The following GABRR1 variants were observed in gnomAD, a reference collection of about 807,000 sequenced individuals.
GABRR1 encodes gamma-aminobutyric acid type A receptor subunit rho1.
GABRR1 carries 59 observed loss-of-function variants against 55.5 expected under a neutral mutation model. The ratio of observed to expected loss-of-function variants is 1.06; its 90% confidence interval spans 0.86 to 1.32. GABRR1 has a LOEUF of 1.32. Ranked by LOEUF, GABRR1 falls within the 40% of genes most tolerant of loss-of-function variation. The pLI, the probability that GABRR1 is intolerant of heterozygous loss-of-function variation, is 0.00. For missense variants in GABRR1, 602 were observed against 619.1 expected, an observed-to-expected ratio of 0.97 and a Z score of 0.29; for synonymous variants, 213 against 226.0, an observed-to-expected ratio of 0.94 and a Z score of 0.51.
At chr6:89,192,297 C>T (rs958275786) in intron 5 of GABRR1, among the ~76,000 whole-genome samples, 3 of 151,822 alleles carry the variant, frequency 2.0e-5, no homozygotes, top group Non-Finnish European at 4.4e-5. Flanking sequence ...ACCCACCGTC[C>T]TCTCCACATA....
upstream of GABRR1, among the ~76,000 whole-genome samples, chr6:89,218,707 C>T (rs142023286): frequency 2.7e-3 from 412 of 152,280 alleles, 2 homozygotes; most frequent in African/African-American, 9.2e-3. Context: ...GTTCATTTAA[C>T]GAGGTGTGAC....
At chr6:89,204,085 G>A (rs1157143010) in intron 1 of GABRR1, among the ~76,000 whole-genome samples, 2 of 152,124 alleles carry the variant, frequency 1.3e-5, no homozygotes, top group Non-Finnish European at 2.9e-5. Flanking sequence ...CCTTCTAGTC[G>A]AGGGGTAGTC....
At chr6:89,205,049 GC>G (rs1411581877) in intron 1 of GABRR1, among the ~76,000 whole-genome samples, 1 of 152,162 alleles carries the variant, frequency 6.6e-6, no homozygotes, top group East Asian at 1.9e-4. Flanking sequence ...CACTGCTTGA[GC>G]ACTTCCTATG....
rs577439930 is a variant in GABRR1, at chr6:89,192,564, C to CTT, written c.573-2319_573-2318dup. On this transcript the variant is annotated intron_variant, in intron 5 of 9. Transcript: ENST00000454853. ...TCTTCTTCCTCTTCTTCTTCTTCTT[C>CTT]TTTTTTTTTTTTTTTTTTGAGACAG... Among the ~76,000 whole-genome samples, 88 of 130,356 alleles carry CTT rather than the reference C, an allele frequency of 6.8e-4. 1 individual carries two copies. The highest frequency in any genetic ancestry group is 1.7e-3 in the African/African-American group (57 of 33,750). The allele number at this position is 130,356 out of a possible 152,430, so 85.5% of individuals were successfully genotyped here. A position where few individuals can be genotyped will look rare whatever the true frequency, so the allele number is the denominator to read the frequency against.
At chr6:89,203,933 G>A (rs1195724649) in intron 1 of GABRR1, among the ~76,000 whole-genome samples, 1 of 152,214 alleles carries the variant, frequency 6.6e-6, no homozygotes, top group Non-Finnish European at 1.5e-5. Context: ...GATGAGAGAG[G>A]AGGAGGAGGA....
At chr6:89,219,092 C>T (rs550489150), upstream of GABRR1, among the ~76,000 whole-genome samples, 2 of 152,084 alleles carry the variant, frequency 1.3e-5, no homozygotes, top group Non-Finnish European at 2.9e-5. Flanking sequence ...ATGGTGAAAC[C>T]CTGTCCCTAC....
intron 1 of GABRR1, among the ~76,000 whole-genome samples, chr6:89,213,085 C>G (rs1457224405): frequency 6.6e-6 from 1 of 152,114 alleles, no homozygotes; most frequent in Non-Finnish European, 1.5e-5. Context: ...CATGGAGATT[C>G]TGGGAAAACA....
At chr6:89,195,463 CAA>C (rs1182864521) in intron 5 of GABRR1, among the ~76,000 whole-genome samples, 6 of 125,678 alleles carry the variant, frequency 4.8e-5, no homozygotes, top group Admixed American at 1.6e-4. Flanking sequence ...ACTCCGTCTC[CAA>C]AAAAAAAAAA....
Position 89,230,218 on chromosome 6 carries a change from G to A in GABRR1, c.-411+998C>T, listed in dbSNP as rs1269599025. Among the ~76,000 whole-genome samples, 9 of 129,946 alleles carry A rather than the reference G, an allele frequency of 6.9e-5. No homozygotes were observed. In the South Asian group the frequency reaches 1.1e-3, roughly 16 times the overall value. 85.2% of individuals were successfully genotyped at this position (129,946 alleles called of 152,430 possible). A position where few individuals can be genotyped will look rare whatever the true frequency, so the allele number is the denominator to read the frequency against. On this transcript the variant is annotated intron_variant, in intron 1 of 11. Coordinates refer to the GABRR1 transcript ENST00000369451. ...TTGCCTTTGGTTTGAATGTCCTCCC[G>A]TAGCTCAGAGTAATTTGATCATCTG...
chr6:89,230,462 T>C (rs1407158810), intron 1 of GABRR1, among the ~76,000 whole-genome samples: 1 of 150,550 alleles, frequency 6.6e-6, no homozygotes, highest in African/African-American at 2.4e-5. Context: ...CCTTTCTGTT[T>C]GTTAGTTTTC....
In GABRR1 at chr6:89,212,089, C is replaced by T. The variant is rs139421119; in HGVS notation, c.122+5112G>A. 218 of 560,394 alleles carry T rather than the reference C, an allele frequency of 3.9e-4. 68 individuals are homozygous for T. In the East Asian group the frequency reaches 9.7e-3, roughly 25 times the overall value. 34.7% of individuals were successfully genotyped at this position (560,394 alleles called of 1,614,324 possible). A position where few individuals can be genotyped will look rare whatever the true frequency, so the allele number is the denominator to read the frequency against. On this transcript the variant is annotated intron_variant, in intron 1 of 9. Coordinates refer to ENST00000454853, the MANE Select transcript of GABRR1 (RefSeq NM_002042.5). ...GCACATCTAGGTCCATATGTTCATA[C>T]CAAACTCATCACCTTCACCCCCAAA...
Position 89,185,412 on chromosome 6 carries a change from T to C in GABRR1, c.694A>G (p.Lys232Glu). The C allele has an allele frequency of 1.2e-6, 2 of 1,613,716 alleles. No individual in the cohort carries two copies. Among genetic ancestry groups the C allele is most frequent in the Non-Finnish European group, 1.7e-6 (2 of 1,179,714 alleles). The change falls in exon 7 of 10, where the codon AAG becomes GAG. Residue 232 changes from lysine (K) to glutamate (E), a missense_variant. Lys to Glu is a moderately conservative substitution (Grantham distance 56). Transcript: ENST00000454853. ...TCTGTCTTTAAGGAGTCATTGCCCTTTTTCCAGTACAGCATGAGGTCATCT... is the reference window on the plus strand; with the variant it reads ...TCTGTCTTTAAGGAGTCATTGCCCTCTTTCCAGTACAGCATGAGGTCATCT... ...TEDDLMLYWK[K>E]GNDSLKTDER...
intron 1 of GABRR1, among the ~76,000 whole-genome samples, chr6:89,229,576 T>C (rs1311744966): frequency 7.0e-6 from 1 of 143,638 alleles, no homozygotes; most frequent in African/African-American, 2.6e-5. Context: ...TCTTTAAGAA[T>C]GTTGAATATT....
intron 1 of GABRR1, among the ~76,000 whole-genome samples, chr6:89,210,380 A>C (rs567892387): frequency 2.2e-4 from 33 of 151,420 alleles, no homozygotes; most frequent in African/African-American, 7.3e-4. Context: ...TTTTTGTAGA[A>C]ATGGGGTTTC....
chr6:89,217,244 G>T lies in GABRR1; in HGVS notation c.79C>A (p.His27Asn). The T allele has an allele frequency of 1.2e-6, 2 of 1,614,016 alleles. No individual in the cohort carries two copies. The highest frequency in any genetic ancestry group is 1.1e-5 in the South Asian group (1 of 91,078). Reference protein sequence around the residue: ...GWVLATESRMHWPGREVHEMS... With the variant: ...GWVLATESRMNWPGREVHEMS... ...TCGTGGACTTCTCTTCCGGGCCAGT[G>T]CATTCTGCTTTCAGTGGCCAAAACC... The change falls in exon 1 of 10, where the codon CAC becomes AAC. Residue 27 changes from histidine to asparagine, a missense_variant. Coordinates refer to ENST00000454853, the MANE Select transcript of GABRR1 (RefSeq NM_002042.5).
intron 1 of GABRR1, among the ~76,000 whole-genome samples, chr6:89,214,823 G>A (rs1032915218): frequency 6.6e-6 from 1 of 152,002 alleles, no homozygotes; most frequent in Non-Finnish European, 1.5e-5. Context: ...CCAGGAGCTC[G>A]AGACCAGCCT....
At chr6:89,217,154 TG>T in intron 1 of GABRR1, 46 bp downstream of exon 1, 1 of 1,600,438 alleles carries the variant, frequency 6.2e-7, no homozygotes, top group African/African-American at 1.3e-5. Flanking sequence ...AAGCTCACTT[TG>T]TGCATCCTCT....
At chr6:89,205,179 G>C (rs1380741375) in intron 1 of GABRR1, among the ~76,000 whole-genome samples, 1 of 152,184 alleles carries the variant, frequency 6.6e-6, no homozygotes, top group African/African-American at 2.4e-5. Flanking sequence ...GAGATACAAA[G>C]ACTTTAAATA....
intron 6 of GABRR1, among the ~76,000 whole-genome samples, chr6:89,189,155 A>C (rs1411242691): frequency 6.6e-6 from 1 of 152,202 alleles, no homozygotes; most frequent in Non-Finnish European, 1.5e-5. Flanking sequence ...TCAACAGAAC[A>C]AAGTTTAAAA....
Sources: allele counts gnomAD v4.1 joint callset (sites outside exome capture counted in the v4.1 genomes callset), GRCh38; gene constraint gnomAD v4.1.1; transcripts MANE v1.5; gene names NCBI Gene and HGNC (gene_info 2026-07-23, HGNC 2026-07-21).